RFX3: variants seen among roughly 807,000 people sequenced by gnomAD.
RFX3 encodes regulatory factor X3, also known as transcription factor RFX3.
In RFX3, 14 loss-of-function variants were observed where a neutral mutation model predicts 98.6. That is an observed-to-expected ratio of 0.14 (90% CI 0.09 to 0.22). The LOEUF is 0.22. Ranked by LOEUF, RFX3 falls within the 10% of genes least tolerant of loss-of-function variation. The probability of loss-of-function intolerance (pLI) is 1.00; values close to 1 mark genes in which losing one functional copy is unlikely to be tolerated. For missense variants in RFX3, 639 were observed against 926.9 expected (o/e 0.69, Z 4.03); for synonymous variants, 383 against 328.4 (o/e 1.17, Z -1.80).
chr9:3,236,645 G>GTTATCA, intron 15 of RFX3, among the ~76,000 whole-genome samples: 1 of 152,266 alleles, frequency 6.6e-6, no homozygotes, highest in South Asian at 2.1e-4. Context: ...ATCAGATGGC[G>GTTATCA]GAAGTGACCA....
At chr9:3,410,879 T>G (rs931528391) in intron 1 of RFX3, among the ~76,000 whole-genome samples, 5 of 152,236 alleles carry the variant, frequency 3.3e-5, no homozygotes, top group African/African-American at 1.2e-4. Flanking sequence ...TATTGGTTTT[T>G]ACTAGCTCAT....
intron 1 of RFX3, among the ~76,000 whole-genome samples, chr9:3,463,553 A>G (rs1174111809): frequency 6.6e-6 from 1 of 152,158 alleles, no homozygotes. Context: ...AAGAAAATGA[A>G]AGCACAAGCC....
At chr9:3,417,712 T>C (rs191131688) in intron 1 of RFX3, among the ~76,000 whole-genome samples, 1 of 152,050 alleles carries the variant, frequency 6.6e-6, no homozygotes, top group Admixed American at 6.5e-5. Context: ...AAATCAACAG[T>C]TTTACAAGTG....
chr9:3,522,847 G>A (rs1166513790), intron 1 of RFX3, among the ~76,000 whole-genome samples: 3 of 152,010 alleles, frequency 2.0e-5, no homozygotes, highest in African/African-American at 7.3e-5. Context: ...ATTGTTAATG[G>A]TAAAAAAATT....
Position 3,218,922 on chromosome 9 carries a change from A to G in RFX3, c.*6120T>C, listed in dbSNP as rs1817205077. 6.6e-6 allele frequency: 1 copy of G among 152,176 alleles called. No homozygotes were observed. Among genetic ancestry groups the G allele is most frequent in the Non-Finnish European group, 1.5e-5 (1 of 68,016 alleles). The allele number at this position is 152,176 out of a possible 1,614,324, so 9.4% of individuals were successfully genotyped here. On this transcript the variant is annotated 3_prime_UTR_variant, in exon 17 of 17. Transcript: ENST00000617270. ...GATGGCACTTAAAAAAAAATACAGT[A>G]TCTTAAAAAAACACAATGAAAGAAG...
At position 3,275,608 on chromosome 9, in the gene RFX3, T is replaced by A. The variant is rs756963774; in HGVS notation, c.978A>T (p.Ala326=). The change falls in exon 9 of 17, where the codon GCA becomes GCT. Residue 326 remains alanine (A), a synonymous_variant. Coordinates refer to ENST00000617270, the MANE Select transcript of RFX3 (RefSeq NM_001282116.2). The part of the protein sequence containing the change: ...QSQHHQQFLD[A]SRALPEFGEV... ...CTCCAAACTCTGGAAGTGCTCGAGA[T>A]GCATCTGTTACCGTGACAACAGAAC... The A allele has an allele frequency of 1.3e-6, 2 of 1,592,260 alleles. No individual in the cohort carries two copies. The highest frequency in any genetic ancestry group is 1.1e-5 in the South Asian group (1 of 90,590).
chr9:3,293,307 A>G (rs751879793), intron 5 of RFX3, 49 bp from the exon 6 acceptor site: 1 of 1,416,710 alleles, frequency 7.1e-7, no homozygotes, highest in Non-Finnish European at 9.6e-7. Context: ...TAATTTGCCA[A>G]AATTTCTACA....
intron 15 of RFX3, among the ~76,000 whole-genome samples, chr9:3,231,234 A>C (rs1281081810): frequency 6.6e-6 from 1 of 152,186 alleles, no homozygotes; most frequent in African/African-American, 2.4e-5. Context: ...TAGATTAAAA[A>C]TTTTAAAAAT....
chr9:3,251,107 G>C (rs999055862), intron 14 of RFX3, among the ~76,000 whole-genome samples: 1 of 152,112 alleles, frequency 6.6e-6, no homozygotes, highest in Admixed American at 6.5e-5. Flanking sequence ...AATAATGTAT[G>C]AGGCATAAAC....
chr9:3,471,631 ATC>A (rs563377462), intron 1 of RFX3, among the ~76,000 whole-genome samples: 75 of 152,362 alleles, frequency 4.9e-4, no homozygotes, highest in Non-Finnish European at 8.7e-4. Flanking sequence ...TTTAAAATAT[ATC>A]TGTCTAAGAC....
chr9:3,298,876 T>C (rs1586935091), intron 5 of RFX3, among the ~76,000 whole-genome samples: 1 of 151,734 alleles, frequency 6.6e-6, no homozygotes, highest in Non-Finnish European at 1.5e-5. Context: ...CAAAATAGAA[T>C]GAGAATAGAC....
In RFX3 at chr9:3,263,104, A is replaced by C. The variant is rs1259417471; in HGVS notation, c.1456-20T>G. ...GGCAACCTGTAACGCAATCCAATTAAGTTGGGATTCTGTTTCCTCCAGTAA... is the reference window on the plus strand; with the variant it reads ...GGCAACCTGTAACGCAATCCAATTACGTTGGGATTCTGTTTCCTCCAGTAA... On this transcript the variant is annotated intron_variant, in intron 12 of 16. Coordinates refer to ENST00000617270, the MANE Select transcript of RFX3 (RefSeq NM_001282116.2). 2.5e-6 allele frequency: 4 copies of C among 1,609,506 alleles called. No homozygotes were observed. The highest frequency in any genetic ancestry group is 2.5e-6 in the Non-Finnish European group (3 of 1,177,684).
At chr9:3,377,886 G>A (rs1170717313) in intron 2 of RFX3, among the ~76,000 whole-genome samples, 1 of 151,844 alleles carries the variant, frequency 6.6e-6, no homozygotes. Flanking sequence ...TTTTCAGTTC[G>A]GTAGTTTCTG....
chr9:3,452,331 C>A, intron 1 of RFX3: 1 of 314,186 alleles, frequency 3.2e-6, no homozygotes, highest in South Asian at 2.5e-5. Flanking sequence ...TGGCTCATGC[C>A]TGTAATCTCA....
chr9:3,374,362 G>A (rs1838211549), intron 2 of RFX3, among the ~76,000 whole-genome samples: 1 of 152,130 alleles, frequency 6.6e-6, no homozygotes, highest in Admixed American at 6.6e-5. Flanking sequence ...GCCTAAAAGA[G>A]ATATTTGTAC....
Position 3,301,573 on chromosome 9 carries a change from A to G in RFX3, c.522T>C (p.Thr174=). 1 of 1,602,268 alleles carries G rather than the reference A, an allele frequency of 6.2e-7. No individual in the cohort carries two copies. Among genetic ancestry groups the G allele is most frequent in the Non-Finnish European group, 8.5e-7 (1 of 1,171,804 alleles). The change falls in exon 5 of 17, where the codon ACT becomes ACC. Residue 174 remains threonine (T), a synonymous_variant. Transcript: ENST00000617270. ...ETLQKSDGLS[T]HRSSLLNSHL... ...GGCTGTTGAGAAGAGAGCTTCTGTG[A>G]GTGGACAGACCGTCAGACTTTTGCA... is the stretch of plus-strand genomic sequence containing the variant.
intron 3 of RFX3, among the ~76,000 whole-genome samples, chr9:3,342,411 T>C (rs1397108531): frequency 6.6e-6 from 1 of 152,204 alleles, no homozygotes; most frequent in Admixed American, 6.5e-5. Context: ...TTGAGAAATC[T>C]ATAATCTAAA....
intron 1 of RFX3, among the ~76,000 whole-genome samples, chr9:3,504,895 A>T (rs1222766898): frequency 2.0e-4 from 9 of 45,494 alleles, no homozygotes; most frequent in African/African-American, 4.1e-4. Context: ...ATAATATAAC[A>T]TATATTATAT....
intron 1 of RFX3, among the ~76,000 whole-genome samples, chr9:3,422,069 G>A (rs1056130193): frequency 7.9e-5 from 12 of 151,996 alleles, no homozygotes; most frequent in Non-Finnish European, 1.2e-4. Flanking sequence ...AGTAGAAAAG[G>A]TACCTAAGGG....
Sources: gnomAD v4.1 joint callset for allele counts (sites outside exome capture counted in the v4.1 genomes callset) on GRCh38, gnomAD v4.1.1 for gene constraint, MANE v1.5 for transcripts, NCBI Gene and HGNC (gene_info 2026-07-23, HGNC 2026-07-21) for gene names.